Variants in MFN1 observed in about 807,000 individuals in gnomAD.
The protein encoded by MFN1 is mitofusin-1.
A neutral mutation model predicts 92.4 loss-of-function variants in MFN1; 65 were observed. That is an observed-to-expected ratio of 0.70 (90% confidence interval 0.58 to 0.86). The LOEUF is 0.86. Ranked by LOEUF, MFN1 falls within the 40% of genes least tolerant of loss-of-function variation. MFN1 has a pLI of 0.00. For synonymous variants in MFN1, 297 were observed against 300.9 expected (o/e 0.99, Z 0.13); for missense variants, 781 against 868.0 (o/e 0.90, Z 1.26).
intron 6 of MFN1, 41 bp downstream of exon 6, chr3:179,364,446 T>G (rs1712705299): frequency 7.1e-7 from 1 of 1,403,166 alleles, no homozygotes; most frequent in Non-Finnish European, 1.0e-6. Context: ...TGGTAGGAAA[T>G]GAAATGGTAT....
In MFN1 at chr3:179,392,475, A is replaced by G. The variant is rs1713942044; in HGVS notation, c.*416A>G. On this transcript the variant is annotated 3_prime_UTR_variant, in exon 18 of 18. Coordinates refer to ENST00000471841, the MANE Select transcript of MFN1 (RefSeq NM_033540.3). ...GGGAATAGTCACTTTTTTATTTAGT[A>G]AATCGCATTGCTGGAACCACCAAGG... 1 of 154,064 alleles carries G rather than the reference A, an allele frequency of 6.5e-6. No individual in the cohort carries two copies. Among genetic ancestry groups the G allele is most frequent in the African/African-American group, 2.4e-5 (1 of 41,522 alleles). 9.5% of individuals were successfully genotyped at this position (154,064 alleles called of 1,614,324 possible). A position where few individuals can be genotyped will look rare whatever the true frequency, so the allele number is the denominator to read the frequency against.
intron 9 of MFN1, among the ~76,000 whole-genome samples, chr3:179,368,919 A>G (rs1368816289): frequency 6.6e-6 from 1 of 152,222 alleles, no homozygotes; most frequent in Non-Finnish European, 1.5e-5. Context: ...TAAAGGGGAC[A>G]TGAATGTTGA....
chr3:179,391,298 G>A (rs1175965033), intron 17 of MFN1, among the ~76,000 whole-genome samples: 1 of 152,014 alleles, frequency 6.6e-6, no homozygotes, highest in African/African-American at 2.4e-5. Flanking sequence ...GGGCAAGACT[G>A]GCTTGAATAA....
Position 179,393,759 on chromosome 3 carries a change from T to A in MFN1, c.*1700T>A, listed in dbSNP as rs1478684063. Reference sequence around the variant, plus strand: ...TTACAAAACTCAAGGCTGTAACCTTTATATGAAAGTACTTAAGCTTGAAAG... The same window carrying A: ...TTACAAAACTCAAGGCTGTAACCTTAATATGAAAGTACTTAAGCTTGAAAG... On this transcript the variant is annotated 3_prime_UTR_variant, in exon 18 of 18. Coordinates refer to ENST00000471841, the MANE Select transcript of MFN1 (RefSeq NM_033540.3). 6.6e-6 allele frequency: 1 copy of A among 152,238 alleles called. No homozygotes were observed. Among genetic ancestry groups the A allele is most frequent in the African/African-American group, 2.4e-5 (1 of 41,464 alleles). 9.4% of individuals were successfully genotyped at this position (152,238 alleles called of 1,614,324 possible).
intron 16 of MFN1, among the ~76,000 whole-genome samples, chr3:179,388,408 CAT>C (rs1713779822): frequency 1.3e-5 from 2 of 152,166 alleles, no homozygotes; most frequent in South Asian, 4.1e-4. Flanking sequence ...TTTATTATAA[CAT>C]ATACCTAAGT....
At chr3:179,385,826 C>T (rs1713666436) in intron 15 of MFN1, 105 bp downstream of exon 15, 2 of 1,078,548 alleles carry the variant, frequency 1.9e-6, no homozygotes, top group Non-Finnish European at 2.7e-6. Context: ...TTTATAGGAT[C>T]TGTAAAATAG....
chr3:179,351,303 G>T (rs185574100), intron 2 of MFN1, among the ~76,000 whole-genome samples: 10 of 152,330 alleles, frequency 6.6e-5, no homozygotes, highest in Admixed American at 5.2e-4. Context: ...GTGAAAGTGG[G>T]ATACAATCTG....
intron 4 of MFN1, among the ~76,000 whole-genome samples, chr3:179,361,329 C>A (rs1220493022): frequency 1.3e-5 from 2 of 152,108 alleles, no homozygotes; most frequent in Non-Finnish European, 2.9e-5. Context: ...ATTTTAGATT[C>A]AGGGGTTGGT....
chr3:179,367,959 A>G, intron 8 of MFN1, 77 bp from the exon 9 acceptor site: 1 of 751,120 alleles, frequency 1.3e-6, no homozygotes, highest in Non-Finnish European at 1.8e-6. Context: ...TATATTTAAA[A>G]TTATAAAATC....
intron 1 of MFN1, chr3:179,348,134 A>G (rs1054442903): frequency 2.6e-5 from 4 of 152,056 alleles, no homozygotes; most frequent in Admixed American, 6.5e-5. Flanking sequence ...AGGTGTTCAC[A>G]CCGGCCGGAC....
intron 15 of MFN1, 42 bp from the exon 16 acceptor site, chr3:179,386,391 G>T (rs1328151629): frequency 2.0e-6 from 3 of 1,508,158 alleles, no homozygotes; most frequent in Non-Finnish European, 9.1e-7. Flanking sequence ...CTCCAAAGTG[G>T]TGTTTTTCCT....
At chr3:179,364,618 C>G (rs143931778) in intron 6 of MFN1, among the ~76,000 whole-genome samples, 1 of 152,188 alleles carries the variant, frequency 6.6e-6, no homozygotes, top group Non-Finnish European at 1.5e-5. Context: ...CAGTATAGGG[C>G]TTGATGGTTC....
At chr3:179,362,318 T>C in intron 4 of MFN1, 40 bp from the exon 5 acceptor site, 1 of 1,519,902 alleles carries the variant, frequency 6.6e-7, no homozygotes, top group South Asian at 1.3e-5. Context: ...TGAATTTTAT[T>C]ACAAGTGGAG....
rs1712451037 is a variant in MFN1, at chr3:179,358,870, T to C, written c.279T>C (p.Asn93=). 9 of 1,613,886 alleles carry C rather than the reference T, an allele frequency of 5.6e-6. No homozygotes were observed. Among genetic ancestry groups the C allele is most frequent in the East Asian group, 2.2e-5 (1 of 44,844 alleles). The change falls in exon 4 of 18, where the codon AAT becomes AAC. Residue 93 remains asparagine (N), a synonymous_variant. Coordinates refer to ENST00000471841, the MANE Select transcript of MFN1 (RefSeq NM_033540.3). ...RTSSGKSSVI[N]AMLWDKVLPS... ...GCAGTGGGAAGAGCTCTGTTATCAA[T>C]GCAATGTTGTGGGATAAAGTTCTCC...
intron 3 of MFN1, among the ~76,000 whole-genome samples, chr3:179,357,675 G>A (rs7620017): frequency 0.7 from 106,914 of 152,070 alleles, 37,988 homozygotes; most frequent in African/African-American, 0.79. Flanking sequence ...TGAAGTGAGT[G>A]TGAGTTCTTT....
At position 179,367,566 on chromosome 3, in the gene MFN1, A is replaced by G; in HGVS notation, c.881A>G (p.Gln294Arg). Reference sequence around the variant, plus strand: ...AAGGAAGTTCTTAGTGCTAGAAAGCAAAAAGCACAGGGGATGCCAGAAAGT... The same window carrying G: ...AAGGAAGTTCTTAGTGCTAGAAAGCGAAAAGCACAGGGGATGCCAGAAAGT... ...SAKEVLSARK[Q>R]KAQGMPESGV... Residue 294 changes from glutamine (Q) to arginine (R), a missense_variant, in exon 8 of 18, where the codon CAA becomes CGA. Transcript: ENST00000471841. 2 of 1,613,128 alleles carry G rather than the reference A, an allele frequency of 1.2e-6. No individual in the cohort carries two copies. The highest frequency in any genetic ancestry group is 1.7e-6 in the Non-Finnish European group (2 of 1,179,646).
intron 14 of MFN1, among the ~76,000 whole-genome samples, chr3:179,379,776 G>A (rs1414008561): frequency 4.6e-5 from 7 of 152,140 alleles, no homozygotes; most frequent in Admixed American, 1.3e-4. Flanking sequence ...GGACAATAAT[G>A]TAAGTGAGAA....
Position 179,378,789 on chromosome 3 carries a change from T to A in MFN1, c.1637T>A (p.Leu546Gln), listed in dbSNP as rs1480238014. The A allele has an allele frequency of 3.1e-6, 5 of 1,613,232 alleles. No individual in the cohort carries two copies. The change falls in exon 14 of 18, where the codon CTA becomes CAA. Residue 546 changes from leucine to glutamine, a missense_variant. By Grantham distance (113) the Leu-to-Gln change is moderately radical (BLOSUM62 -2). Transcript: ENST00000471841. ...LGPRNAQRVL[L>Q]GLSEPIFQLP... ...CCTAGAAATGCTCAAAGGGTGCTCC[T>A]AGGATTATCAGAGCCTATCTTTCAG...
chr3:179,388,779 A>G (rs1344951068), intron 16 of MFN1, among the ~76,000 whole-genome samples: 2 of 152,252 alleles, frequency 1.3e-5, no homozygotes, highest in Non-Finnish European at 2.9e-5. Flanking sequence ...GATGGAGACA[A>G]CAACCCAAAT....
Sources: gnomAD v4.1 joint callset for allele counts (sites outside exome capture counted in the v4.1 genomes callset) on GRCh38, gnomAD v4.1.1 for gene constraint, MANE v1.5 for transcripts, NCBI Gene and HGNC (gene_info 2026-07-23, HGNC 2026-07-21) for gene names.